CFAP70: variants seen among roughly 807,000 people sequenced by gnomAD.
CFAP70 encodes cilia and flagella associated protein 70, also known as cilia- and flagella-associated protein 70.
Under a neutral mutation model 137.6 loss-of-function variants are expected in CFAP70, and 81 were observed. That is an observed-to-expected ratio of 0.59 (90% CI 0.49 to 0.71). The LOEUF (loss-of-function observed/expected upper bound fraction) is 0.71, where lower values mean the gene tolerates loss of function less well. Among genes scored for constraint, CFAP70 ranks in the 30% least tolerant of loss-of-function variants. The pLI, the probability that CFAP70 is intolerant of heterozygous loss-of-function variation, is 0.00. For synonymous variants in CFAP70, 382 were observed against 423.6 expected, an observed-to-expected ratio of 0.90 and a Z score of 1.20; for missense variants, 976 against 1,226.7, an observed-to-expected ratio of 0.80 and a Z score of 3.05.
At chr10:73,355,967 G>T (rs73272341) in intron 1 of CFAP70, among the ~76,000 whole-genome samples, 1 of 151,658 alleles carries the variant, frequency 6.6e-6, no homozygotes, top group East Asian at 1.9e-4. Context: ...TCTGGTAACC[G>T]TTTTTTTTAA....
At chr10:73,278,328 G>C in exon 20 of CFAP70, 1 of 1,613,216 alleles carries the variant, frequency 6.2e-7, no homozygotes, top group Non-Finnish European at 8.5e-7. Flanking sequence ...AGATAATGCA[G>C]CTCCTGGTCC....
rs894009049 is a variant in CFAP70, at chr10:73,273,064, C to T, written c.2836-47G>A. ...AAGCTACTGTTCTAGAAGCTTCAAA[C>T]CCCATATTGCTGGGATGATCATGGG... is the stretch of plus-strand genomic sequence containing the variant. On this transcript the variant is annotated intron_variant, in intron 23 of 26. Coordinates refer to ENST00000310715, the Ensembl canonical transcript of CFAP70. The T allele has an allele frequency of 7.2e-6, 10 of 1,383,210 alleles. No homozygotes were observed. The Admixed American group carries it at 1.6e-4, about 22-fold the overall frequency. 85.7% of individuals were successfully genotyped at this position (1,383,210 alleles called of 1,614,324 possible).
chr10:73,281,963 C>T (rs181777165), intron 19 of CFAP70, among the ~76,000 whole-genome samples: 3 of 152,272 alleles, frequency 2.0e-5, no homozygotes, highest in African/African-American at 4.8e-5. Context: ...GACATACCGA[C>T]GTGATTCTAG....
At chr10:73,355,908 T>C (rs2054639852) in intron 1 of CFAP70, among the ~76,000 whole-genome samples, 1 of 152,226 alleles carries the variant, frequency 6.6e-6, no homozygotes, top group South Asian at 2.1e-4. Context: ...AACTGGTCCC[T>C]GGTGCCAAAA....
intron 9 of CFAP70, among the ~76,000 whole-genome samples, chr10:73,314,245 C>G (rs2050159454): frequency 6.6e-6 from 1 of 152,120 alleles, no homozygotes; most frequent in East Asian, 1.9e-4. Context: ...ATTGTGGTGA[C>G]AGTTTCACAG....
At chr10:73,277,355 G>A (rs774374249) in exon 21 of CFAP70, 2 of 1,612,614 alleles carry the variant, frequency 1.2e-6, no homozygotes, top group African/African-American at 2.7e-5. Context: ...TTGACATTTT[G>A]ATGCTTCTGA....
intron 9 of CFAP70, among the ~76,000 whole-genome samples, chr10:73,315,216 C>CA (rs58468801): frequency 0.024 from 1,536 of 63,234 alleles, 20 homozygotes; most frequent in Non-Finnish European, 0.039. Context: ...GACCCCATCT[C>CA]AAAAAAAAAA....
intron 25 of CFAP70, among the ~76,000 whole-genome samples, chr10:73,257,410 A>T (rs1280711656): frequency 4.6e-5 from 7 of 152,208 alleles, no homozygotes; most frequent in Non-Finnish European, 8.8e-5. Context: ...ACTCCTCCAG[A>T]AGTTAAATGA....
In CFAP70 at chr10:73,266,058, G is replaced by C. The variant is rs143846542; in HGVS notation, c.3027+3556C>G. Among the ~76,000 whole-genome samples, 6 of 152,112 alleles carry C rather than the reference G, an allele frequency of 3.9e-5. No homozygotes were observed. In the East Asian group the frequency reaches 1.2e-3, roughly 29 times the overall value. On this transcript the variant is annotated intron_variant, in intron 25 of 26. Transcript: ENST00000310715. ...ATGGACATGGTATATCTTTCTATTAGATTTTCTTTTACAATAAAGTTTTAT... is the reference window on the plus strand; with the variant it reads ...ATGGACATGGTATATCTTTCTATTACATTTTCTTTTACAATAAAGTTTTAT...
At chr10:73,317,107 C>T (rs2050456143) in intron 9 of CFAP70, among the ~76,000 whole-genome samples, 1 of 152,266 alleles carries the variant, frequency 6.6e-6, no homozygotes, top group African/African-American at 2.4e-5. Flanking sequence ...CTCACTATAA[C>T]CTCCTGCCTC....
intron 25 of CFAP70, among the ~76,000 whole-genome samples, chr10:73,264,407 T>C (rs1311809715): frequency 6.6e-6 from 1 of 152,254 alleles, no homozygotes; most frequent in African/African-American, 2.4e-5. Context: ...TATTTCTATA[T>C]ACCTATTTAT....
intron 6 of CFAP70, among the ~76,000 whole-genome samples, chr10:73,336,172 G>A (rs903063614): frequency 6.6e-6 from 1 of 151,434 alleles, no homozygotes; most frequent in Non-Finnish European, 1.5e-5. Flanking sequence ...ACCTGGCATT[G>A]GTACTATTTT....
Position 73,275,732 on chromosome 10 carries a change from G to T in CFAP70, c.2521-134C>A. The T allele has an allele frequency of 1.3e-6, 1 of 798,252 alleles. No homozygotes were observed. The highest frequency in any genetic ancestry group is 1.8e-6 in the Non-Finnish European group (1 of 548,518). The allele number at this position is 798,252 out of a possible 1,614,324, so 49.4% of individuals were successfully genotyped here. A position where few individuals can be genotyped will look rare whatever the true frequency, so the allele number is the denominator to read the frequency against. On this transcript the variant is annotated intron_variant, in intron 21 of 26. Coordinates refer to ENST00000310715, the Ensembl canonical transcript of CFAP70. This position sits in a 1 kb window ranked among gnomAD's most constrained non-coding sequence, Gnocchi z 4.0. ...GAAATAATTATCCTCAACTTCAAAAGGTAAAGGGTGAATTACAAACATTCT... is the reference window on the plus strand; with the variant it reads ...GAAATAATTATCCTCAACTTCAAAATGTAAAGGGTGAATTACAAACATTCT...
intron 15 of CFAP70, 113 bp downstream of exon 16, chr10:73,296,929 A>G: frequency 7.7e-7 from 1 of 1,305,892 alleles, no homozygotes. Flanking sequence ...AGTGCCTAGC[A>G]CAGAGCAGAC....
intron 16 of CFAP70, among the ~76,000 whole-genome samples, chr10:73,292,850 T>C (rs1471756375): frequency 2.0e-5 from 3 of 152,104 alleles, no homozygotes; most frequent in Non-Finnish European, 4.4e-5. Context: ...TATCCATTTA[T>C]CACATTTTTC....
chr10:73,315,156 G>A (rs2050232427), intron 9 of CFAP70, among the ~76,000 whole-genome samples: 2 of 149,932 alleles, frequency 1.3e-5, no homozygotes, highest in South Asian at 4.2e-4. Context: ...GTTCAAGGCT[G>A]CAGTGAGCTA....
chr10:73,284,780 ATATATATATATATATATATATAT>A (rs2047543614), intron 19 of CFAP70, among the ~76,000 whole-genome samples: 1 of 59,352 alleles, frequency 1.7e-5, no homozygotes. Context: ...ATATATATAT[ATATATATATATATATATATATAT>A]AAAAGTTGTT....
At chr10:73,313,347 G>T (rs1402122543) in intron 9 of CFAP70, among the ~76,000 whole-genome samples, 1 of 147,780 alleles carries the variant, frequency 6.8e-6, no homozygotes, top group Non-Finnish European at 1.5e-5. Context: ...TCTCCAGCTT[G>T]GGCGATAGAG....
exon 5 of CFAP70, chr10:73,345,091 C>T: frequency 3.1e-6 from 5 of 1,613,978 alleles, no homozygotes; most frequent in Non-Finnish European, 3.4e-6. Flanking sequence ...ACTTGCAGAC[C>T]GACCATGTAG....
Sources: allele counts gnomAD v4.1 joint callset (sites outside exome capture counted in the v4.1 genomes callset), GRCh38; gene constraint gnomAD v4.1.1; non-coding constraint Gnocchi (gnomAD v3.1); transcripts MANE v1.5; gene names NCBI Gene and HGNC (gene_info 2026-07-23, HGNC 2026-07-21).